Variants in UBL5 observed in about 807,000 individuals in gnomAD.
UBL5 encodes ubiquitin-like protein 5.
In UBL5, 13 loss-of-function variants were observed where a neutral mutation model predicts 11.7. That is an observed-to-expected ratio of 1.11 (90% CI 0.73 to 1.77). The LOEUF (loss-of-function observed/expected upper bound fraction) is 1.77. Among genes scored for constraint, UBL5 ranks in the 40% most tolerant of loss-of-function variants. The pLI, the probability that UBL5 is intolerant of heterozygous loss-of-function variation, is 0.00. For missense variants in UBL5, 58 were observed against 92.3 expected, an observed-to-expected ratio of 0.63 and a Z score of 1.52; for synonymous variants, 28 against 34.7, an observed-to-expected ratio of 0.81 and a Z score of 0.68.
At position 9,830,019 on chromosome 19, in the gene UBL5, T is replaced by G. The variant is rs577151581; in HGVS notation, c.*11T>G. On this transcript the variant is annotated 3_prime_UTR_variant, in exon 5 of 5. Coordinates refer to ENST00000586895, the MANE Select transcript of UBL5 (RefSeq NM_001048241.3). ...CTTTATTATCAATAGATGAGAATCC[T>G]CATCTTCCTGCCCCGCTTTCCTCTC... 1.5e-5 allele frequency: 24 copies of G among 1,613,838 alleles called. No homozygotes were observed. The Admixed American group carries it at 3.8e-4, about 26-fold the overall frequency.
Position 9,828,587 on chromosome 19 carries a change from C to A in UBL5, c.57-5C>A. ...TTCCATTTGCCTTAACTGCTCTGCG[C>A]CCAGCACGGATGATACCATCGGGGA... On this transcript the variant is annotated splice_region_variant and splice_polypyrimidine_tract_variant and intron_variant, in intron 2 of 4. Transcript: ENST00000586895. The A allele has an allele frequency of 6.2e-7, 1 of 1,614,180 alleles. No individual in the cohort carries two copies. Among genetic ancestry groups the A allele is most frequent in the Non-Finnish European group, 8.5e-7 (1 of 1,180,024 alleles).
intron 1 of UBL5, 83 bp from the exon 2 acceptor site, chr19:9,828,244 A>C: frequency 7.5e-7 from 1 of 1,325,724 alleles, no homozygotes; most frequent in Non-Finnish European, 1.1e-6. Context: ...GGACTGGGAG[A>C]CTTGTAGGCT....
chr19:9,828,237 C>G (rs2046035408), intron 1 of UBL5, 90 bp from the exon 2 acceptor site: 1 of 1,270,404 alleles, frequency 7.9e-7, no homozygotes, highest in African/African-American at 1.5e-5. Context: ...GGGCCTGGGA[C>G]TGGGAGACTT....
At chr19:9,828,432 G>A (rs748054910) in intron 2 of UBL5, 39 bp downstream of exon 2, 37 of 1,613,488 alleles carry the variant, frequency 2.3e-5, no homozygotes, top group Non-Finnish European at 3.0e-5. Flanking sequence ...TACCCGCAGG[G>A]GTGCTTGGCG....
At chr19:9,828,238 TG>T in intron 1 of UBL5, 88 bp from the exon 2 acceptor site, 2 of 1,279,622 alleles carry the variant, frequency 1.6e-6, no homozygotes, top group Non-Finnish European at 2.3e-6. Context: ...GGCCTGGGAC[TG>T]GGAGACTTGT....
intron 2 of UBL5, 57 bp downstream of exon 2, chr19:9,828,450 G>C: frequency 6.2e-7 from 1 of 1,609,452 alleles, no homozygotes; most frequent in Non-Finnish European, 8.5e-7. Context: ...GCGTGAGGCA[G>C]GCAACTCAAT....
chr19:9,828,886 G>A lies in UBL5; in HGVS notation c.178+12G>A, dbSNP rs2145399222. ...GTCTCTGGGGGACTGTATCCTTTGT[G>A]TGACTTTTTGAGGAAGCATCTACAT... is the stretch of plus-strand genomic sequence containing the variant. On this transcript the variant is annotated intron_variant, in intron 4 of 4. Coordinates refer to ENST00000586895, the MANE Select transcript of UBL5 (RefSeq NM_001048241.3). 1 of 1,614,076 alleles carries A rather than the reference G, an allele frequency of 6.2e-7. No individual in the cohort carries two copies. Among genetic ancestry groups the A allele is most frequent in the Non-Finnish European group, 8.5e-7 (1 of 1,179,916 alleles).
At position 9,827,944 on chromosome 19, in the gene UBL5, G is replaced by T. The variant is rs1319038896; in HGVS notation, c.-52G>T. 9.6e-6 allele frequency: 3 copies of T among 313,182 alleles called. No individual in the cohort carries two copies. The highest frequency in any genetic ancestry group is 3.5e-5 in the South Asian group (1 of 28,296). 19.4% of individuals were successfully genotyped at this position (313,182 alleles called of 1,614,324 possible). Reference sequence around the variant, plus strand: ...ACTGCGACCGGGGTTCAGCGCTCGGGTGAGGAGCTGGTGGCGTCGGCAGGT... The same window carrying T: ...ACTGCGACCGGGGTTCAGCGCTCGGTTGAGGAGCTGGTGGCGTCGGCAGGT... On this transcript the variant is annotated 5_prime_UTR_variant, in exon 1 of 5. Transcript: ENST00000586895.
chr19:9,829,013 G>A, intron 4 of UBL5, 139 bp downstream of exon 4: 1 of 812,130 alleles, frequency 1.2e-6, no homozygotes, highest in Admixed American at 2.2e-5. Flanking sequence ...TAGAAAATGG[G>A]AGCTAGGTAA....
rs2046040118 is a variant in UBL5, at chr19:9,828,822, G to A, written c.141-15G>A. The A allele has an allele frequency of 6.2e-7, 1 of 1,613,982 alleles. No individual in the cohort carries two copies. The highest frequency in any genetic ancestry group is 1.1e-5 in the South Asian group (1 of 91,088). On this transcript the variant is annotated splice_polypyrimidine_tract_variant and intron_variant, in intron 3 of 4. Coordinates refer to ENST00000586895, the MANE Select transcript of UBL5 (RefSeq NM_001048241.3). ...GCCTCCTTAGCCTTATCTCTGAAAT[G>A]TCTCTTTTTCTTAGGTACACGATTT...
intron 1 of UBL5, 24 bp from the exon 2 acceptor site, chr19:9,828,303 C>A: frequency 5.1e-6 from 8 of 1,571,382 alleles, no homozygotes; most frequent in South Asian, 1.1e-5. Flanking sequence ...TTGCTGCCTC[C>A]CACCCACCCC....
chr19:9,828,447 G>T (rs565181550), intron 2 of UBL5, 54 bp downstream of exon 2: 1 of 1,609,484 alleles, frequency 6.2e-7, no homozygotes, highest in Non-Finnish European at 8.5e-7. Flanking sequence ...TTGGCGTGAG[G>T]CAGGCAACTC....
intron 4 of UBL5, 135 bp from the exon 5 acceptor site, chr19:9,829,830 A>C: frequency 1.0e-6 from 1 of 952,700 alleles, no homozygotes; most frequent in South Asian, 1.5e-5. Context: ...GTTCTCTCCA[A>C]ATAAAAATGG....
rs532067185 is a variant in UBL5 at position 9,829,732 on chromosome 19, A to G, written c.179-233A>G. ...GGCTGGTCTCAAACTCCTGACGTCA[A>G]GTGAGCCACCTGCTTCGTCCTCTCA... On this transcript the variant is annotated intron_variant, in intron 4 of 4. Coordinates refer to ENST00000586895, the MANE Select transcript of UBL5 (RefSeq NM_001048241.3). 1.3e-4 allele frequency: 65 copies of G among 500,910 alleles called. No individual in the cohort carries two copies. In the South Asian group the frequency reaches 1.6e-3, roughly 12 times the overall value. The allele number at this position is 500,910 out of a possible 1,614,324, so 31.0% of individuals were successfully genotyped here.
At chr19:9,829,010 T>C (rs2046041023) in intron 4 of UBL5, 136 bp downstream of exon 4, 1 of 833,532 alleles carries the variant, frequency 1.2e-6, no homozygotes, top group African/African-American at 1.7e-5. Flanking sequence ...ACTTAGAAAA[T>C]GGGAGCTAGG....
At chr19:9,829,116 G>A (rs2046041521) in intron 4 of UBL5, 5 of 574,294 alleles carry the variant, frequency 8.7e-6, no homozygotes, top group African/African-American at 1.9e-5. Flanking sequence ...CTGGACAGTA[G>A]GTCAGGGTGG....
chr19:9,828,262 C>T (rs893000098), intron 1 of UBL5, 65 bp from the exon 2 acceptor site: 16 of 1,504,878 alleles, frequency 1.1e-5, no homozygotes, highest in Non-Finnish European at 1.4e-5. Context: ...GCTGGGGCTT[C>T]TGGGCCTGGG....
chr19:9,828,535 AG>A (rs2046037865), intron 2 of UBL5, 56 bp from the exon 3 acceptor site: 1 of 1,611,258 alleles, frequency 6.2e-7, no homozygotes, highest in African/African-American at 1.3e-5. Context: ...ATTCTGCCCT[AG>A]AATGTCCTCT....
At chr19:9,829,178 TTTTTA>T (rs1187480730) in intron 4 of UBL5, 1 of 373,894 alleles carries the variant, frequency 2.7e-6, no homozygotes, top group Non-Finnish European at 4.8e-6. Flanking sequence ...CTTTTTACAA[TTTTTA>T]TTTTATTTAT....
Sources: gnomAD v4.1 joint callset for allele counts on GRCh38, gnomAD v4.1.1 for gene constraint, MANE v1.5 for transcripts, NCBI Gene and HGNC (gene_info 2026-07-23, HGNC 2026-07-21) for gene names.